TMTC1: variants seen among roughly 807,000 people sequenced by gnomAD.
TMTC1 encodes transmembrane O-mannosyltransferase targeting cadherins 1.
A neutral mutation model predicts 104.8 loss-of-function variants in TMTC1; 73 were observed. The observed-to-expected ratio is 0.70, with a 90% CI of 0.58 to 0.85. The LOEUF (loss-of-function observed/expected upper bound fraction) is 0.85. Ranked by LOEUF, TMTC1 falls within the 40% of genes least tolerant of loss-of-function variation. The probability of loss-of-function intolerance (pLI) is 0.00; values close to 1 mark genes in which losing one functional copy is unlikely to be tolerated. For missense variants in TMTC1, 1,035 were observed against 1,096.1 expected, an observed-to-expected ratio of 0.94 and a Z score of 0.79; for synonymous variants, 434 against 428.7, an observed-to-expected ratio of 1.01 and a Z score of -0.15.
Position 29,783,136 on chromosome 12 carries a change from G to A in TMTC1, c.302+314C>T, listed in dbSNP as rs1188539087. The A allele has an allele frequency of 9.5e-6, 3 of 314,610 alleles. No homozygotes were observed. The highest frequency in any genetic ancestry group is 6.4e-5 in the African/African-American group (3 of 46,908). The allele number at this position is 314,610 out of a possible 1,614,324, so 19.5% of individuals were successfully genotyped here. On this transcript the variant is annotated intron_variant, in intron 1 of 17. Transcript: ENST00000539277. This position sits in a 1 kb window ranked among gnomAD's most constrained non-coding sequence, Gnocchi z 4.7. ...ACTTGGTCACGATCCGGCAGGCGAA[G>A]GGGTGCGGAGGCGGTTTCACCAGCC...
intron 5 of TMTC1, among the ~76,000 whole-genome samples, chr12:29,699,656 T>C (rs1941526434): frequency 2.1e-5 from 3 of 144,114 alleles, no homozygotes; most frequent in Admixed American, 6.9e-5. Context: ...GTGCTTTTTT[T>C]TTTTTTTTTT....
intron 7 of TMTC1, among the ~76,000 whole-genome samples, chr12:29,590,314 G>A (rs1393948963): frequency 6.6e-6 from 1 of 152,102 alleles, no homozygotes; most frequent in East Asian, 1.9e-4. Context: ...GAAACTGATT[G>A]TTATTGCCAC....
At chr12:29,751,400 C>G (rs1943086742) in intron 5 of TMTC1, among the ~76,000 whole-genome samples, 1 of 152,120 alleles carries the variant, frequency 6.6e-6, no homozygotes, top group African/African-American at 2.4e-5. Flanking sequence ...TCTTCTGATG[C>G]CTGAGGCTGC....
intron 5 of TMTC1, among the ~76,000 whole-genome samples, chr12:29,635,999 T>A (rs975097870): frequency 1.3e-5 from 2 of 152,192 alleles, no homozygotes; most frequent in Admixed American, 6.5e-5. Flanking sequence ...GAAATACTGA[T>A]TGGAAAGAGG....
chr12:29,508,189 C>T (rs773981226), intron 17 of TMTC1, among the ~76,000 whole-genome samples: 3 of 152,272 alleles, frequency 2.0e-5, no homozygotes, highest in Non-Finnish European at 4.4e-5. Context: ...AGAAATTGTA[C>T]GTTAGATATC....
intron 6 of TMTC1, among the ~76,000 whole-genome samples, chr12:29,604,975 TTTTA>T (rs1946660307): frequency 6.6e-6 from 1 of 152,166 alleles, no homozygotes; most frequent in Admixed American, 6.5e-5. Context: ...TTGCAAAGAT[TTTTA>T]TGTCACTTAT....
At chr12:29,712,894 T>G (rs142612555) in intron 5 of TMTC1, among the ~76,000 whole-genome samples, 1 of 152,178 alleles carries the variant, frequency 6.6e-6, no homozygotes, top group African/African-American at 2.4e-5. Context: ...TCCATTGCGA[T>G]AGTTAATTTT....
chr12:29,684,278 A>G (rs559993552), intron 5 of TMTC1, among the ~76,000 whole-genome samples: 4 of 152,214 alleles, frequency 2.6e-5, no homozygotes, highest in Non-Finnish European at 5.9e-5. Flanking sequence ...GATAATGACA[A>G]GAGAAAAAGA....
intron 5 of TMTC1, among the ~76,000 whole-genome samples, chr12:29,650,474 A>C (rs1939464666): frequency 6.6e-6 from 1 of 152,018 alleles, no homozygotes; most frequent in East Asian, 1.9e-4. Context: ...CCAGCCACCT[A>C]CCCTAGACCT....
chr12:29,514,595 C>T lies in TMTC1; in HGVS notation c.2317G>A (p.Ala773Thr), dbSNP rs1318661739. ...TTCAGCTGGAGAGCCTTGTCTATAG[C>T]ATCAAGTGCCTGCAGAGGTTGGAAA... ...KQENHDKALD[A>T]IDKALQLKPK... The change falls in exon 16 of 18, where the codon GCT (alanine) becomes ACT (threonine). Residue 773 changes from alanine to threonine, a missense_variant. Transcript: ENST00000539277. The T allele has an allele frequency of 6.2e-7, 1 of 1,611,388 alleles. No homozygotes were observed. The highest frequency in any genetic ancestry group is 8.5e-7 in the Non-Finnish European group (1 of 1,179,426).
At chr12:29,564,356 G>T (rs1036561919) in intron 9 of TMTC1, among the ~76,000 whole-genome samples, 2 of 152,168 alleles carry the variant, frequency 1.3e-5, no homozygotes, top group African/African-American at 2.4e-5. Context: ...AAAAAGCAAA[G>T]ATTGAGAAGA....
At chr12:29,538,585 G>T (rs1476380941) in intron 10 of TMTC1, among the ~76,000 whole-genome samples, 1 of 151,690 alleles carries the variant, frequency 6.6e-6, no homozygotes, top group Non-Finnish European at 1.5e-5. Context: ...GTTTTCTTTT[G>T]TCGTGGCTCA....
Position 29,542,681 on chromosome 12 carries a change from G to A in TMTC1, c.1677-6364C>T, listed in dbSNP as rs201937419. Reference sequence around the variant, plus strand: ...ATGGATCAATTGATCCTGCAGAGGAGGCTAAATATAATAGGATGCTGAAAG... The same window carrying A: ...ATGGATCAATTGATCCTGCAGAGGAAGCTAAATATAATAGGATGCTGAAAG... On this transcript the variant is annotated intron_variant, in intron 10 of 17. Transcript: ENST00000539277. 4.6e-5 allele frequency among the ~76,000 whole-genome samples: 7 copies of A among 151,954 alleles called. No individual in the cohort carries two copies. In the East Asian group the frequency reaches 1.4e-3, roughly 29 times the overall value.
intron 1 of TMTC1, among the ~76,000 whole-genome samples, chr12:29,773,958 T>C (rs1943651197): frequency 2.0e-5 from 3 of 152,086 alleles, no homozygotes; most frequent in Admixed American, 1.3e-4. Context: ...CCTTCACCAA[T>C]GTAATTCTCA....
chr12:29,529,037 TTTGG>T (rs576192517), intron 11 of TMTC1, among the ~76,000 whole-genome samples: 196 of 152,290 alleles, frequency 1.3e-3, no homozygotes, highest in Middle Eastern at 6.8e-3. Flanking sequence ...TGTACATATA[TTTGG>T]TTGGAATATA....
chr12:29,653,661 T>C (rs1423287933), intron 5 of TMTC1, among the ~76,000 whole-genome samples: 2 of 152,120 alleles, frequency 1.3e-5, no homozygotes, highest in Non-Finnish European at 2.9e-5. Context: ...AAGTTATTGG[T>C]CAGTCACAAA....
intron 1 of TMTC1, among the ~76,000 whole-genome samples, chr12:29,781,152 C>T (rs1943827249): frequency 1.0e-5 from 1 of 97,882 alleles, no homozygotes; most frequent in Non-Finnish European, 2.3e-5. Context: ...GAAAACTGTC[C>T]AGTCTTATTT....
intron 5 of TMTC1, among the ~76,000 whole-genome samples, chr12:29,681,434 G>C (rs1940915697): frequency 6.6e-6 from 1 of 152,074 alleles, no homozygotes; most frequent in African/African-American, 2.4e-5. Flanking sequence ...CTAGGTATAT[G>C]GCAACTCACT....
intron 10 of TMTC1, among the ~76,000 whole-genome samples, chr12:29,551,985 T>G (rs1945117938): frequency 6.6e-6 from 1 of 152,188 alleles, no homozygotes; most frequent in South Asian, 2.1e-4. Context: ...TAACACTCAG[T>G]GAAGTCTGCT....
Sources: allele counts gnomAD v4.1 joint callset (sites outside exome capture counted in the v4.1 genomes callset), GRCh38; gene constraint gnomAD v4.1.1; non-coding constraint Gnocchi (gnomAD v3.1); transcripts MANE v1.5; gene names NCBI Gene and HGNC (gene_info 2026-07-23, HGNC 2026-07-21).